Variants in SVIL observed in about 807,000 individuals in gnomAD.
SVIL encodes supervillin.
SVIL carries 101 observed loss-of-function variants against 240.4 expected under a neutral mutation model. That is an observed-to-expected ratio of 0.42 (90% CI 0.36 to 0.50). The LOEUF is 0.50. Ranked by LOEUF, SVIL falls within the 20% of genes least tolerant of loss-of-function variation. The probability of loss-of-function intolerance (pLI) is 0.01; values close to 1 mark genes in which losing one functional copy is unlikely to be tolerated. For missense variants in SVIL, 2,512 were observed against 2,818.7 expected, an observed-to-expected ratio of 0.89 and a Z score of 2.46; for synonymous variants, 999 against 1,100.0, an observed-to-expected ratio of 0.91 and a Z score of 1.82.
chr10:29,539,200 C>T (rs551452387), intron 6 of SVIL, among the ~76,000 whole-genome samples: 4 of 134,816 alleles, frequency 3.0e-5, no homozygotes, highest in Non-Finnish European at 4.9e-5. Flanking sequence ...AATAAATAAA[C>T]AAACAAAGTA....
intron 1 of SVIL, among the ~76,000 whole-genome samples, chr10:29,586,829 G>A (rs1378974923): frequency 6.6e-6 from 1 of 152,158 alleles, no homozygotes; most frequent in Non-Finnish European, 1.5e-5. Context: ...CTTATAAGTG[G>A]AAGCTAAATG....
rs571130290 is a variant in SVIL, at chr10:29,668,894, C to T, written c.-300-10826G>A. ...CTATGATTCAGCCTACACACCCAGA[C>T]CAAAAACAATGTGAAGGATTCCAGT... On this transcript the variant is annotated intron_variant, in intron 2 of 35. Transcript: ENST00000375400. Among the ~76,000 whole-genome samples the T allele has an allele frequency of 5.9e-5, 9 of 152,308 alleles. No homozygotes were observed. The South Asian group carries it at 1.9e-3, about 32-fold the overall frequency.
intron 3 of SVIL, chr10:29,644,103 C>G (rs1447182209): frequency 2.1e-6 from 1 of 468,740 alleles, no homozygotes; most frequent in Non-Finnish European, 4.3e-6. Context: ...TGCTGTCAAG[C>G]AGCAGCTCAC....
chr10:29,468,678 T>C (rs1945215549), intron 32 of SVIL, among the ~76,000 whole-genome samples: 1 of 151,412 alleles, frequency 6.6e-6, no homozygotes. Flanking sequence ...GGTACAGCCA[T>C]AAATTATTCA....
chr10:29,614,409 C>T (rs1957359464), intron 1 of SVIL, among the ~76,000 whole-genome samples: 1 of 152,150 alleles, frequency 6.6e-6, no homozygotes, highest in Non-Finnish European at 1.5e-5. Context: ...TTGGAACCAA[C>T]CCAAATGCCC....
chr10:29,687,347 T>C (rs1961150957), intron 1 of SVIL, among the ~76,000 whole-genome samples: 1 of 152,220 alleles, frequency 6.6e-6, no homozygotes, highest in Non-Finnish European at 1.5e-5. Context: ...AACATTCACC[T>C]TACCGTATGC....
chr10:29,484,485 G>A lies in SVIL; in HGVS notation c.4955+171C>T, dbSNP rs559395862. 2.2e-4 allele frequency among the ~76,000 whole-genome samples: 33 copies of A among 152,266 alleles called. No individual in the cohort carries two copies. The South Asian group carries it at 6.8e-3, about 32-fold the overall frequency. ...GACATCCATATTTCTGCAATAGTTA[G>A]ATAAAAGTTAAAGAACTGTTCCTTT... On this transcript the variant is annotated intron_variant, in intron 27 of 37. Transcript: ENST00000355867. This position sits in a 1 kb window ranked among gnomAD's most constrained non-coding sequence, Gnocchi z 4.7.
intron 3 of SVIL, among the ~76,000 whole-genome samples, chr10:29,561,959 C>G (rs1029399657): frequency 6.6e-6 from 1 of 152,226 alleles, no homozygotes; most frequent in Non-Finnish European, 1.5e-5. Flanking sequence ...CTGAGTCTTT[C>G]AGACATTCAC....
intron 29 of SVIL, among the ~76,000 whole-genome samples, chr10:29,478,604 T>A (rs1193591592): frequency 1.3e-5 from 2 of 151,954 alleles, no homozygotes; most frequent in Admixed American, 6.6e-5. Flanking sequence ...ACACAGCTCC[T>A]TATGAAAAAG....
chr10:29,568,869 A>G (rs369545584), intron 2 of SVIL, among the ~76,000 whole-genome samples: 211 of 151,790 alleles, frequency 1.4e-3, no homozygotes, highest in African/African-American at 4.8e-3. Flanking sequence ...GGAAAAAGGG[A>G]GGGAGGGAGC....
At chr10:29,708,506 A>G (rs1230847833) in intron 1 of SVIL, among the ~76,000 whole-genome samples, 1 of 151,974 alleles carries the variant, frequency 6.6e-6, no homozygotes, top group Non-Finnish European at 1.5e-5. Flanking sequence ...CTGTAATCCC[A>G]GCTACTTGGG....
chr10:29,666,263 T>C (rs1397675205), intron 2 of SVIL, among the ~76,000 whole-genome samples: 2 of 152,162 alleles, frequency 1.3e-5, no homozygotes, highest in African/African-American at 4.8e-5. Flanking sequence ...TTTAAAAAAA[T>C]AATACAACAG....
intron 1 of SVIL, among the ~76,000 whole-genome samples, chr10:29,620,613 G>T (rs1476787950): frequency 6.6e-6 from 1 of 152,174 alleles, no homozygotes; most frequent in Non-Finnish European, 1.5e-5. Flanking sequence ...GGGAAGTGAG[G>T]TATTATCCCT....
intron 1 of SVIL, among the ~76,000 whole-genome samples, chr10:29,720,971 T>G (rs1293799252): frequency 6.6e-6 from 1 of 152,124 alleles, no homozygotes; most frequent in Non-Finnish European, 1.5e-5. Flanking sequence ...CTCGGCCTCC[T>G]GAGTAGCTGG....
intron 30 of SVIL, among the ~76,000 whole-genome samples, chr10:29,472,542 T>C (rs979008252): frequency 1.3e-5 from 2 of 152,282 alleles, no homozygotes; most frequent in African/African-American, 4.8e-5. Context: ...TAATTGCTGC[T>C]ACTCAGCAAG....
At chr10:29,530,419 T>C (rs913955902) in intron 11 of SVIL, among the ~76,000 whole-genome samples, 188 bp downstream of exon 11, 4 of 152,162 alleles carry the variant, frequency 2.6e-5, no homozygotes, top group African/African-American at 9.7e-5. Flanking sequence ...TGAAGTAGGC[T>C]GGGTCCACAA....
intron 6 of SVIL, among the ~76,000 whole-genome samples, chr10:29,538,926 G>A (rs528017470): frequency 6.6e-6 from 1 of 152,314 alleles, no homozygotes; most frequent in South Asian, 2.1e-4. Flanking sequence ...CCCTTTTGGA[G>A]GCTGAGGCAG....
At chr10:29,728,130 A>T (rs973495041) in intron 1 of SVIL, among the ~76,000 whole-genome samples, 2 of 152,142 alleles carry the variant, frequency 1.3e-5, no homozygotes, top group African/African-American at 4.8e-5. Context: ...CCAATCATTC[A>T]TGACTTACAC....
At chr10:29,677,787 G>A (rs745517504) in intron 2 of SVIL, among the ~76,000 whole-genome samples, 1 of 152,024 alleles carries the variant, frequency 6.6e-6, no homozygotes, top group Non-Finnish European at 1.5e-5. Context: ...GGAAAGGGAT[G>A]GCCCTTTCCA....
Sources: gnomAD v4.1 joint callset for allele counts (sites outside exome capture counted in the v4.1 genomes callset) on GRCh38, gnomAD v4.1.1 for gene constraint, Gnocchi (gnomAD v3.1) non-coding constraint, MANE v1.5 for transcripts, NCBI Gene and HGNC (gene_info 2026-07-23, HGNC 2026-07-21) for gene names.